The following ARHGAP6 variants were observed in gnomAD, a reference collection of about 807,000 sequenced individuals.
ARHGAP6 encodes the protein rho GTPase-activating protein 6.
Under a neutral mutation model 55.7 loss-of-function variants are expected in ARHGAP6, and 16 were observed. The observed-to-expected ratio is 0.29, with a 90% CI of 0.19 to 0.44. ARHGAP6 has a LOEUF of 0.44. Among genes scored for constraint, ARHGAP6 ranks in the 20% least tolerant of loss-of-function variants. The probability of loss-of-function intolerance (pLI) is 1.00; values close to 1 mark genes in which losing one functional copy is unlikely to be tolerated. For synonymous variants in ARHGAP6, 382 were observed against 360.9 expected (o/e 1.06, Z -0.66); for missense variants, 698 against 808.9 (o/e 0.86, Z 1.66).
intron 1 of ARHGAP6, among the ~76,000 whole-genome samples, chrX:11,521,311 C>A (rs369621597): frequency 1.1e-4 from 12 of 111,833 alleles, no homozygotes; most frequent in Admixed American, 8.6e-4. Flanking sequence ...TTAAGTCTTT[C>A]ATCCATCTTG....
At chrX:11,574,290 A>C (rs1382787795) in intron 1 of ARHGAP6, among the ~76,000 whole-genome samples, 7 of 111,250 alleles carry the variant, frequency 6.3e-5, no homozygotes, top group East Asian at 5.6e-4. Flanking sequence ...AATTTTAGAC[A>C]AATATCCTTG....
intron 1 of ARHGAP6, among the ~76,000 whole-genome samples, chrX:11,572,460 T>C (rs768251612): frequency 1.8e-5 from 2 of 111,033 alleles, no homozygotes; most frequent in South Asian, 3.9e-4. Context: ...GTTCTTGCGA[T>C]AGTTTAATGA....
At chrX:11,338,640 A>G (rs2048668239) in intron 1 of ARHGAP6, among the ~76,000 whole-genome samples, 1 of 111,963 alleles carries the variant, frequency 8.9e-6, no homozygotes, top group Admixed American at 9.5e-5. Flanking sequence ...TCACTTCTCA[A>G]TTGCCAATAT....
At position 11,138,668 on chromosome X, in the gene ARHGAP6, G is replaced by GCTA. The variant is rs1233551695; in HGVS notation, c.*192_*194dup. 3 of 467,662 alleles carry GCTA rather than the reference G, an allele frequency of 6.4e-6. No homozygotes were observed. The highest frequency in any genetic ancestry group is 1.1e-5 in the Non-Finnish European group (3 of 281,984). The allele number at this position is 467,662 out of a possible 1,213,427, so 38.5% of individuals were successfully genotyped here. A position where few individuals can be genotyped will look rare whatever the true frequency, so the allele number is the denominator to read the frequency against. On this transcript the variant is annotated 3_prime_UTR_variant, in exon 13 of 13. Coordinates refer to ENST00000337414, the MANE Select transcript of ARHGAP6 (RefSeq NM_013427.3). ...GTTCTGTTTGTTTTTCCTAAGGCTGGCTACGCAATGGAACCTTATTCTCAA... is the reference window on the plus strand; with the variant it reads ...GTTCTGTTTGTTTTTCCTAAGGCTGGCTACTACGCAATGGAACCTTATTCTCAA...
At chrX:11,645,157 G>A (rs1157984625) in intron 1 of ARHGAP6, among the ~76,000 whole-genome samples, 1 of 111,645 alleles carries the variant, frequency 9.0e-6, no homozygotes, top group East Asian at 2.8e-4. Context: ...ATGGAGAACA[G>A]ATCAGTGGTT....
chrX:11,189,056 A>G (rs755737887), intron 3 of ARHGAP6, 72 bp from the exon 4 acceptor site: 200 of 1,093,774 alleles, frequency 1.8e-4, no homozygotes, highest in Non-Finnish European at 2.4e-4. Flanking sequence ...TATGTTTCAG[A>G]CCTAAGTAAG....
intron 1 of ARHGAP6, among the ~76,000 whole-genome samples, chrX:11,474,291 A>G (rs904030529): frequency 8.9e-6 from 1 of 112,087 alleles, no homozygotes; most frequent in Admixed American, 9.4e-5. Context: ...CTACAGCGTT[A>G]TCTATTGGTG....
chrX:11,634,447 T>C (rs1260542034), intron 1 of ARHGAP6, among the ~76,000 whole-genome samples: 1 of 111,480 alleles, frequency 9.0e-6, no homozygotes, highest in Non-Finnish European at 1.9e-5. Context: ...TATGCATACC[T>C]TTTGGATCAT....
At chrX:11,221,595 T>G (rs113091282) in intron 2 of ARHGAP6, among the ~76,000 whole-genome samples, 1 of 111,765 alleles carries the variant, frequency 8.9e-6, no homozygotes, top group Non-Finnish European at 1.9e-5. Context: ...GTGAGAGGGA[T>G]GGCTTTTCTT....
intron 1 of ARHGAP6, among the ~76,000 whole-genome samples, chrX:11,611,424 G>C (rs1481516976): frequency 8.9e-6 from 1 of 111,807 alleles, no homozygotes; most frequent in African/African-American, 3.2e-5. Flanking sequence ...ACACAACAAT[G>C]AGAAAAAGTT....
At chrX:11,146,135 C>T (rs958357636) in intron 10 of ARHGAP6, among the ~76,000 whole-genome samples, 11 of 112,274 alleles carry the variant, frequency 9.8e-5, no homozygotes, top group African/African-American at 2.9e-4. Context: ...CCATCCCAGC[C>T]GATTCCTGGA....
chrX:11,214,633 C>T (rs1166826792), intron 2 of ARHGAP6, among the ~76,000 whole-genome samples: 1 of 113,269 alleles, frequency 8.8e-6, no homozygotes, highest in Non-Finnish European at 1.9e-5. Context: ...AGAAAGCCAC[C>T]CTCTCCCTGA....
At chrX:11,525,334 A>T (rs1401554326) in intron 1 of ARHGAP6, among the ~76,000 whole-genome samples, 1 of 111,901 alleles carries the variant, frequency 8.9e-6, no homozygotes, top group East Asian at 2.8e-4. Context: ...TGCATGCATG[A>T]TCTCTTTCCA....
At chrX:11,378,895 C>T (rs778003232) in intron 1 of ARHGAP6, among the ~76,000 whole-genome samples, 5 of 112,801 alleles carry the variant, frequency 4.4e-5, no homozygotes, top group East Asian at 2.8e-4. Context: ...CCAACTTTCT[C>T]GTGATCCAAC....
At chrX:11,352,021 G>A (rs1253287310) in intron 1 of ARHGAP6, among the ~76,000 whole-genome samples, 1 of 112,472 alleles carries the variant, frequency 8.9e-6, no homozygotes, top group African/African-American at 3.2e-5. Context: ...TCCATGGCAA[G>A]TAATGTGTAT....
intron 12 of ARHGAP6, among the ~76,000 whole-genome samples, chrX:11,140,078 T>C (rs2045598612): frequency 9.0e-6 from 1 of 110,700 alleles, no homozygotes; most frequent in African/African-American, 3.3e-5. Flanking sequence ...TCGTTCCCCT[T>C]TACTTCCTAC....
intron 1 of ARHGAP6, among the ~76,000 whole-genome samples, chrX:11,518,176 TATCA>T (rs1346466280): frequency 9.0e-6 from 1 of 110,665 alleles, no homozygotes; most frequent in East Asian, 2.8e-4. Context: ...GGTCTTGGTC[TATCA>T]CCCAGGCTGG....
chrX:11,629,038 C>G (rs1022134650), intron 1 of ARHGAP6, among the ~76,000 whole-genome samples: 34 of 110,124 alleles, frequency 3.1e-4, no homozygotes, highest in African/African-American at 1.1e-3. Flanking sequence ...AGCTAGAGCT[C>G]GAGTCTTACA....
chrX:11,338,656 CA>C (rs1175671532), intron 1 of ARHGAP6, among the ~76,000 whole-genome samples: 1 of 112,301 alleles, frequency 8.9e-6, no homozygotes, highest in Non-Finnish European at 1.9e-5. Context: ...AATATCTTCT[CA>C]CTTTGTCAGT....
Sources: gnomAD v4.1 joint callset for allele counts (sites outside exome capture counted in the v4.1 genomes callset) on GRCh38, gnomAD v4.1.1 for gene constraint, MANE v1.5 for transcripts, NCBI Gene and HGNC (gene_info 2026-07-23, HGNC 2026-07-21) for gene names.